The following PAXBP1 variants were observed in gnomAD, a reference collection of about 807,000 sequenced individuals.
PAXBP1 encodes PAX3- and PAX7-binding protein 1.
PAXBP1 carries 44 observed loss-of-function variants against 119.9 expected under a neutral mutation model. The ratio of observed to expected loss-of-function variants is 0.37; its 90% CI spans 0.29 to 0.47. The LOEUF is 0.47. Among genes scored for constraint, PAXBP1 ranks in the 20% least tolerant of loss-of-function variants. PAXBP1 has a pLI of 0.99. For missense variants in PAXBP1, 898 were observed against 1,134.1 expected, an observed-to-expected ratio of 0.79 and a Z score of 2.99; for synonymous variants, 393 against 406.6, an observed-to-expected ratio of 0.97 and a Z score of 0.40.
At chr21:32,740,978 G>A (rs969601128) in intron 15 of PAXBP1, among the ~76,000 whole-genome samples, 20 of 152,076 alleles carry the variant, frequency 1.3e-4, no homozygotes, top group Admixed American at 1.2e-3. Context: ...ACATGAAAAC[G>A]TCCTCAACAC....
At chr21:32,750,088 T>C (rs1020000851) in intron 10 of PAXBP1, among the ~76,000 whole-genome samples, 7 of 148,558 alleles carry the variant, frequency 4.7e-5, no homozygotes, top group East Asian at 3.9e-4. Flanking sequence ...AAAAAAGAAA[T>C]ACTTAATCAG....
chr21:32,763,761 G>C (rs997916383), intron 3 of PAXBP1, among the ~76,000 whole-genome samples: 1 of 152,072 alleles, frequency 6.6e-6, no homozygotes, highest in Non-Finnish European at 1.5e-5. Flanking sequence ...CGAGGCAGGC[G>C]GATCACCTGA....
At chr21:32,761,966 G>T (rs548770876) in intron 4 of PAXBP1, 130 bp downstream of exon 4, 97 of 903,006 alleles carry the variant, frequency 1.1e-4, no homozygotes, top group South Asian at 6.8e-4. Context: ...TTGAGTCCAC[G>T]AGTCAAGACA....
chr21:32,771,668 TC>T lies in PAXBP1; in HGVS notation c.-1del. 7.1e-7 allele frequency: 1 copy of T among 1,409,940 alleles called. No individual in the cohort carries two copies. Among genetic ancestry groups the T allele is most frequent in the Non-Finnish European group, 9.2e-7 (1 of 1,086,580 alleles). The allele number at this position is 1,409,940 out of a possible 1,614,324, so 87.3% of individuals were successfully genotyped here. On this transcript the variant is annotated 5_prime_UTR_variant, in exon 1 of 18. Coordinates refer to ENST00000331923, the MANE Select transcript of PAXBP1 (RefSeq NM_016631.4). Reference sequence around the variant, plus strand: ...TTCACCCGCCGGGCCTTTCGGAACATCCCCGCGGCCCGCACGGCGGTCGAAT... The same window carrying T: ...TTCACCCGCCGGGCCTTTCGGAACATCCCGCGGCCCGCACGGCGGTCGAAT...
intron 12 of PAXBP1, 135 bp downstream of exon 12, chr21:32,745,439 T>A (rs1375063086): frequency 7.9e-7 from 1 of 1,271,672 alleles, no homozygotes; most frequent in Admixed American, 2.2e-5. Context: ...CCTCTAGCCA[T>A]CTCTGGGCCA....
chr21:32,742,753 G>A (rs918789475), intron 15 of PAXBP1: 26 of 267,454 alleles, frequency 9.7e-5, no homozygotes, highest in Admixed American at 4.4e-4. Flanking sequence ...TTTTGAGAGA[G>A]AAACTACATT....
At chr21:32,737,470 C>A in intron 16 of PAXBP1, 62 bp from the exon 17 acceptor site, 1 of 1,428,726 alleles carries the variant, frequency 7.0e-7, no homozygotes, top group Non-Finnish European at 9.5e-7. Flanking sequence ...GTATTAAAAG[C>A]AAAGTCTAGT....
chr21:32,760,902 C>CGTGTGTGTGTGT (rs1175775718), intron 5 of PAXBP1, among the ~76,000 whole-genome samples, 157 bp downstream of exon 5: 2,581 of 127,738 alleles, frequency 0.02, 28 homozygotes, highest in Non-Finnish European at 0.031. Flanking sequence ...TGCGTGCGTG[C>CGTGTGTGTGTGT]GTGTGTGTGT....
At chr21:32,740,378 G>A (rs564952736) in intron 15 of PAXBP1, among the ~76,000 whole-genome samples, 1 of 152,314 alleles carries the variant, frequency 6.6e-6, no homozygotes, top group African/African-American at 2.4e-5. Context: ...ACCACCTTGG[G>A]CACATGTCAT....
At position 32,755,366 on chromosome 21, in the gene PAXBP1, A is replaced by G; in HGVS notation, c.1384-13T>C. 1.9e-6 allele frequency: 3 copies of G among 1,610,370 alleles called. No homozygotes were observed. Among genetic ancestry groups the G allele is most frequent in the Non-Finnish European group, 2.5e-6 (3 of 1,178,552 alleles). On this transcript the variant is annotated splice_polypyrimidine_tract_variant and intron_variant, in intron 7 of 17. Transcript: ENST00000331923. ...TAATCAGTGGCACCTGTAAAAATAC[A>G]ACACACTCCGTAACACCAAACTCCT...
intron 4 of PAXBP1, among the ~76,000 whole-genome samples, chr21:32,761,895 A>G (rs190815680): frequency 7.9e-5 from 12 of 152,266 alleles, no homozygotes; most frequent in Admixed American, 2.6e-4. Context: ...AAAATTAGCC[A>G]GGTGTGGTGA....
At chr21:32,771,210 G>T in intron 1 of PAXBP1, 116 bp downstream of exon 1, 1 of 990,166 alleles carries the variant, frequency 1.0e-6, no homozygotes. Flanking sequence ...CGGTCGGACG[G>T]CAGGGGACTC....
intron 10 of PAXBP1, 94 bp from the exon 11 acceptor site, chr21:32,748,792 T>C (rs2043914484): frequency 9.4e-7 from 1 of 1,062,730 alleles, no homozygotes; most frequent in Admixed American, 2.6e-5. Flanking sequence ...GTAGCTTCAG[T>C]ATCAGAAGAT....
At chr21:32,757,459 T>C (rs1462890852) in intron 7 of PAXBP1, among the ~76,000 whole-genome samples, 1 of 152,172 alleles carries the variant, frequency 6.6e-6, no homozygotes, top group African/African-American at 2.4e-5. Context: ...TAAGATTTGT[T>C]CCAAAAAATC....
At chr21:32,763,411 G>A (rs1191087589) in intron 3 of PAXBP1, among the ~76,000 whole-genome samples, 1 of 152,180 alleles carries the variant, frequency 6.6e-6, no homozygotes, top group Non-Finnish European at 1.5e-5. Flanking sequence ...TCAAGAGTAA[G>A]AACATTTTGA....
At chr21:32,769,756 T>C in intron 2 of PAXBP1, 58 bp downstream of exon 2, 1 of 1,567,204 alleles carries the variant, frequency 6.4e-7, no homozygotes, top group South Asian at 1.2e-5. Context: ...AGCAAATCAC[T>C]GTGAGAAAGA....
Position 32,733,959 on chromosome 21 carries a change from G to A in PAXBP1, c.*991C>T, listed in dbSNP as rs1015424459. 13 of 152,450 alleles carry A rather than the reference G, an allele frequency of 8.5e-5. No homozygotes were observed. Among genetic ancestry groups the A allele is most frequent in the Admixed American group, 4.6e-4 (7 of 15,276 alleles). 9.4% of individuals were successfully genotyped at this position (152,450 alleles called of 1,614,324 possible). On this transcript the variant is annotated 3_prime_UTR_variant, in exon 18 of 18. Transcript: ENST00000331923. The stretch of plus-strand genomic sequence containing the variant: ...TTAATTACATATATAATTATCAAAC[G>A]ATAGTCCTTAATTTCCAAAAAAATT...
At position 32,762,135 on chromosome 21, in the gene PAXBP1, T is replaced by C. The variant is rs373578550; in HGVS notation, c.832A>G (p.Lys278Glu). The C allele has an allele frequency of 6.2e-7, 1 of 1,614,216 alleles. No individual in the cohort carries two copies. Among genetic ancestry groups the C allele is most frequent in the Non-Finnish European group, 8.5e-7 (1 of 1,180,038 alleles). The change falls in exon 4 of 18, where the codon AAA becomes GAA. Residue 278 changes from lysine (K) to glutamate (E), a missense_variant. Transcript: ENST00000331923. Reference sequence around the variant, plus strand: ...ATTTTTTGTCTTTGTGACTTTTCTTTCACAGAAAAAACTATCCGGCGTTTC... The same window carrying C: ...ATTTTTTGTCTTTGTGACTTTTCTTCCACAGAAAAAACTATCCGGCGTTTC... ...DEKRRIVFSV[K>E]EKSQRQKIAE... is the part of the protein sequence containing the mutation.
intron 10 of PAXBP1, 28 bp from the exon 11 acceptor site, chr21:32,748,726 C>A (rs1434235452): frequency 6.3e-7 from 1 of 1,588,334 alleles, no homozygotes; most frequent in Non-Finnish European, 8.6e-7. Context: ...CCACAGAGAA[C>A]CATACATTAG....
Sources: gnomAD v4.1 joint callset for allele counts (sites outside exome capture counted in the v4.1 genomes callset) on GRCh38, gnomAD v4.1.1 for gene constraint, MANE v1.5 for transcripts, NCBI Gene and HGNC (gene_info 2026-07-23, HGNC 2026-07-21) for gene names.